Variants in KRTAP4-6 observed in about 807,000 individuals in gnomAD.
KRTAP4-6 encodes keratin-associated protein 4-6.
A neutral mutation model predicts 3.6 loss-of-function variants in KRTAP4-6; 1 was observed. The ratio of observed to expected loss-of-function variants is 0.28; its 90% CI spans 0.10 to 1.32. The LOEUF (loss-of-function observed/expected upper bound fraction) is 1.32. KRTAP4-6 is among the 40% of genes most tolerant of loss of function. The pLI is 0.45. For synonymous variants in KRTAP4-6, 97 were observed against 96.7 expected (o/e 1.00, Z -0.02); for missense variants, 275 against 280.3 (o/e 0.98, Z 0.14).
At chr17:41,139,570 C>A in exon 1 of KRTAP4-6, 1 of 468,448 alleles carries the variant, frequency 2.1e-6, no homozygotes, top group Non-Finnish European at 3.7e-6. Flanking sequence ...CCCGAGTTAC[C>A]CTGCAAGAAT....
At chr17:41,140,224 G>A in exon 1 of KRTAP4-6, 1 of 1,595,982 alleles carries the variant, frequency 6.3e-7, no homozygotes. Flanking sequence ...GTCTGCAGCA[G>A]CTGGATACAC....
chr17:41,140,449 C>G, exon 1 of KRTAP4-6: 1 of 1,613,732 alleles, frequency 6.2e-7, no homozygotes. Flanking sequence ...GGCCACAGCC[C>G]TGGTCAGAGC....
exon 1 of KRTAP4-6, chr17:41,140,314 G>A (rs1276683334): frequency 1.2e-6 from 2 of 1,602,256 alleles, no homozygotes; most frequent in East Asian, 2.3e-5. Context: ...GGCAGCAGGT[G>A]GGCTGGCAGC....
At chr17:41,140,425 G>A in exon 1 of KRTAP4-6, 3 of 1,614,112 alleles carry the variant, frequency 1.9e-6, no homozygotes, top group Non-Finnish European at 1.7e-6. Context: ...AGCTGGGGCG[G>A]CAGCAGGTCT....
chr17:41,139,870 T>A (rs930412754), exon 1 of KRTAP4-6: 42 of 1,576,118 alleles, frequency 2.7e-5, no homozygotes, highest in Non-Finnish European at 3.5e-5. Context: ...GGCAAGGAGC[T>A]CAGCAGCAAG....
In KRTAP4-6 at chr17:41,139,881, A is replaced by C. The variant is rs1201935755; in HGVS notation, c.607T>G (p.Ser203Ala). The C allele has an allele frequency of 1.9e-6, 3 of 1,585,702 alleles. No homozygotes were observed. The South Asian group carries it at 3.4e-5, about 18-fold the overall frequency. ...TTCAGGCAAGGAGCTCAGCAGCAAG[A>C]GGAGGCACAGCACAAGGGACGGGGG... The change falls in exon 1 of 1, where the codon TCT (serine) becomes GCT (alanine). Residue 203 changes from serine (S) to alanine (A), a missense_variant. Ser to Ala is a moderately conservative substitution (Grantham distance 99, BLOSUM62 1). Transcript: ENST00000345847.
In KRTAP4-6 at chr17:41,139,585, A is replaced by G. The variant is rs2874204; in HGVS notation, c.*285T>C. 4,220 of 499,360 alleles carry G rather than the reference A, an allele frequency of 8.5e-3. 134 individuals carry two copies. The highest frequency in any genetic ancestry group is 0.073 in the African/African-American group (3,793 of 51,964). 30.9% of individuals were successfully genotyped at this position (499,360 alleles called of 1,614,324 possible). On this transcript the variant is annotated 3_prime_UTR_variant, in exon 1 of 1. Transcript: ENST00000345847. Reference sequence around the variant, plus strand: ...CCCGAGTTACCCTGCAAGAATTTCCATGTTTGGGACAGAAGAACTTGGTAT... The same window carrying G: ...CCCGAGTTACCCTGCAAGAATTTCCGTGTTTGGGACAGAAGAACTTGGTAT...
chr17:41,139,681 T>A, exon 1 of KRTAP4-6: 1 of 895,714 alleles, frequency 1.1e-6, no homozygotes, highest in Non-Finnish European at 1.7e-6. Context: ...AATATCTAAT[T>A]TCACACTTGG....
chr17:41,140,381 C>A, exon 1 of KRTAP4-6: 1 of 1,611,440 alleles, frequency 6.2e-7, no homozygotes, highest in Non-Finnish European at 8.5e-7. Context: ...GCTGGGGCGG[C>A]AGCAGGTGGT....
chr17:41,139,643 T>C (rs994507347), exon 1 of KRTAP4-6: 8 of 733,034 alleles, frequency 1.1e-5, no homozygotes, highest in Admixed American at 3.2e-5. Context: ...TAAAATTTGG[T>C]AAATTCTATT....
rs774607852 is a variant in KRTAP4-6 at position 41,139,910 on chromosome 17, G to A, written c.578C>T (p.Thr193Ile). 6.2e-6 allele frequency: 10 copies of A among 1,600,060 alleles called. No homozygotes were observed. The highest frequency in any genetic ancestry group is 8.5e-6 in the Non-Finnish European group (10 of 1,173,048). ...GGCACAGCACAAGGGACGGGGGCAGGTGGAAATGACACAGGTTGGGCGATA... is the reference window on the plus strand; with the variant it reads ...GGCACAGCACAAGGGACGGGGGCAGATGGAAATGACACAGGTTGGGCGATA... The change falls in exon 1 of 1, where the codon ACC becomes ATC. Residue 193 changes from threonine to isoleucine, a missense_variant. By Grantham distance (89) the Thr-to-Ile change is moderately conservative. Transcript: ENST00000345847.
chr17:41,139,457 T>G, exon 1 of KRTAP4-6: 1 of 196,554 alleles, frequency 5.1e-6, no homozygotes. Flanking sequence ...AAAAGTGGAG[T>G]TTTATTCAGA....
exon 1 of KRTAP4-6, chr17:41,139,843 G>A (rs1328946323): frequency 3.9e-6 from 6 of 1,553,690 alleles, no homozygotes; most frequent in Non-Finnish European, 5.2e-6. Context: ...TGAGCTGAAG[G>A]GGAGGAGATA....
chr17:41,139,942 G>T, exon 1 of KRTAP4-6: 1 of 1,607,050 alleles, frequency 6.2e-7, no homozygotes, highest in South Asian at 1.1e-5. Flanking sequence ...GATAGCAAGT[G>T]GTGTGGCAGG....
exon 1 of KRTAP4-6, chr17:41,140,461 G>C: frequency 6.2e-7 from 1 of 1,613,658 alleles, no homozygotes; most frequent in Non-Finnish European, 8.5e-7. Flanking sequence ...GGTCAGAGCA[G>C]ACGGAACCAC....
At chr17:41,139,806 A>C in exon 1 of KRTAP4-6, 1 of 1,522,334 alleles carries the variant, frequency 6.6e-7, no homozygotes, top group Non-Finnish European at 8.8e-7. Context: ...TGTTTATGAG[A>C]TGCACAAGGT....
chr17:41,139,833 T>C (rs774519953), exon 1 of KRTAP4-6: 25 of 1,543,334 alleles, frequency 1.6e-5, no homozygotes, highest in Non-Finnish European at 2.1e-5. Flanking sequence ...CTGTGAGGAG[T>C]GAGCTGAAGG....
At chr17:41,139,809 C>T in exon 1 of KRTAP4-6, 2 of 1,525,138 alleles carry the variant, frequency 1.3e-6, no homozygotes, top group Non-Finnish European at 8.8e-7. Flanking sequence ...TTATGAGATG[C>T]ACAAGGTCTG....
exon 1 of KRTAP4-6, chr17:41,139,988 G>A (rs759844141): frequency 2.5e-6 from 4 of 1,609,748 alleles, no homozygotes; most frequent in East Asian, 2.2e-5. Context: ...GCAGCAGCAG[G>A]GGCGGCAGCA....
Sources: allele counts gnomAD v4.1 joint callset, GRCh38; gene constraint gnomAD v4.1.1; transcripts MANE v1.5; gene names NCBI Gene and HGNC (gene_info 2026-07-23, HGNC 2026-07-21).